FHIP1B: variants seen among roughly 807,000 people sequenced by gnomAD.
FHIP1B encodes the protein FHF complex subunit HOOK interacting protein 1B.
Under a neutral mutation model 82.2 loss-of-function variants are expected in FHIP1B, and 28 were observed. The observed-to-expected ratio is 0.34, with a 90% CI of 0.25 to 0.47. The LOEUF (loss-of-function observed/expected upper bound fraction) is 0.47. Among genes scored for constraint, FHIP1B ranks in the 20% least tolerant of loss-of-function variants. FHIP1B has a pLI of 1.00. For missense variants in FHIP1B, 1,110 were observed against 1,262.6 expected (o/e 0.88, Z 1.83); for synonymous variants, 585 against 516.1 (o/e 1.13, Z -1.81).
rs201071373 is a variant in FHIP1B, at chr11:6,223,642, G to A, written c.745C>T (p.Arg249Cys). The change falls in exon 3 of 12, where the codon CGC becomes TGC. Residue 249 changes from arginine (R) to cysteine (C), a missense_variant. By Grantham distance (180) the Arg-to-Cys change is radical. This residue lies in a region of FHIP1B where 467 missense variants were observed against 602.9 expected (regional missense o/e 0.77). Transcript: ENST00000449352. The surrounding 1 kb of genome is among the most constrained non-coding windows in gnomAD (Gnocchi z 4.8). ...ALSAGSPTVG[R>C]YIADHSYFCP... ...AAGTAAGAGTGATCCGCGATGTAGC[G>A]GCCCACAGTGGGGCTCCCAGCTGAC... is the stretch of plus-strand genomic sequence containing the variant. The A allele has an allele frequency of 2.2e-4, 354 of 1,607,560 alleles. 2 individuals carry two copies. The highest frequency in any genetic ancestry group is 1.2e-3 in the Admixed American group (74 of 59,386).
chr11:6,223,153 C>T lies in FHIP1B; in HGVS notation c.863G>A (p.Arg288Gln), dbSNP rs1375768849. 14 of 1,608,084 alleles carry T rather than the reference C, an allele frequency of 8.7e-6. No homozygotes were observed. The highest frequency in any genetic ancestry group is 1.1e-5 in the South Asian group (1 of 90,600). ...VPGDDWHCLR[R>Q]EDWLGVPALA... is the part of the protein sequence containing the mutation. ...GGCTGGCACTCCCAGCCAGTCTTCC[C>T]GTCGCAGACAGTGCCAATCATCCCC... is the stretch of plus-strand genomic sequence containing the variant. Residue 288 changes from arginine to glutamine, a missense_variant, in exon 4 of 12, where the codon CGG (arginine) becomes CAG (glutamine). Transcript: ENST00000449352. The surrounding 1 kb of genome is among the most constrained non-coding windows in gnomAD (Gnocchi z 4.8).
chr11:6,226,784 A>C (rs1027127736), intron 1 of FHIP1B, among the ~76,000 whole-genome samples: 2 of 152,238 alleles, frequency 1.3e-5, no homozygotes, highest in African/African-American at 4.8e-5. Flanking sequence ...TTGTCTACTG[A>C]CACCCTAGAA....
chr11:6,214,916 G>A lies in FHIP1B; in HGVS notation c.2216-5C>T, dbSNP rs1322698046. 2 of 1,551,596 alleles carry A rather than the reference G, an allele frequency of 1.3e-6. No homozygotes were observed. The highest frequency in any genetic ancestry group is 2.7e-5 in the African/African-American group (2 of 73,012). ...AGAGCACAGCCATGAAGGGGCCTGG[G>A]TTGGGGGGGAGGTGGGCACAAGGAT... On this transcript the variant is annotated splice_region_variant and splice_polypyrimidine_tract_variant and intron_variant, in intron 9 of 11. Transcript: ENST00000449352.
At chr11:6,218,310 C>T (rs963348935) in intron 8 of FHIP1B, among the ~76,000 whole-genome samples, 160 bp from the exon 9 acceptor site, 2 of 152,146 alleles carry the variant, frequency 1.3e-5, no homozygotes, top group Non-Finnish European at 2.9e-5. Flanking sequence ...TTATCCTCAT[C>T]CACCACCCCC....
At chr11:6,226,281 G>T (rs572386713) in intron 1 of FHIP1B, among the ~76,000 whole-genome samples, 4 of 152,178 alleles carry the variant, frequency 2.6e-5, no homozygotes, top group Non-Finnish European at 5.9e-5. Context: ...AAAGGGAGGG[G>T]CCCAGTCCTA....
In FHIP1B at chr11:6,217,877, C is replaced by A. The variant is rs200454641; in HGVS notation, c.1709G>T (p.Arg570Leu). Residue 570 changes from arginine to leucine, a missense_variant, in exon 9 of 12, where the codon CGT becomes CTT. Around this residue, in one of 6 missense-constraint regions of FHIP1B, gnomAD observed 418 missense variants for 371.4 expected, o/e 1.13. Transcript: ENST00000449352. ...GCCATCATAGGGGGCAGACCAGGTA[C>A]GGCAGGCTCGGACACAGCGGTCCAC... ...RGVDRCVRAC[R>L]TWSAPYDGER... 1.9e-6 allele frequency: 3 copies of A among 1,613,492 alleles called. No individual in the cohort carries two copies. The highest frequency in any genetic ancestry group is 2.5e-6 in the Non-Finnish European group (3 of 1,179,994).
chr11:6,230,611 G>T (rs1167627239), intron 1 of FHIP1B, among the ~76,000 whole-genome samples: 1 of 152,088 alleles, frequency 6.6e-6, no homozygotes, highest in Admixed American at 6.5e-5. Flanking sequence ...TTCTTGCAGG[G>T]ATCTCCTCAT....
At chr11:6,215,716 G>A (rs1847207715) in intron 9 of FHIP1B, among the ~76,000 whole-genome samples, 1 of 152,186 alleles carries the variant, frequency 6.6e-6, no homozygotes, top group Non-Finnish European at 1.5e-5. Context: ...GGAAGGGAAA[G>A]GATCAGCATT....
chr11:6,232,106 A>G (rs1180003094), intron 1 of FHIP1B, among the ~76,000 whole-genome samples: 1 of 152,136 alleles, frequency 6.6e-6, no homozygotes, highest in African/African-American at 2.4e-5. Context: ...CATCATCCTC[A>G]TGTATGTTTC....
intron 1 of FHIP1B, among the ~76,000 whole-genome samples, chr11:6,229,731 C>A (rs1346472175): frequency 6.6e-6 from 1 of 152,164 alleles, no homozygotes; most frequent in African/African-American, 2.4e-5. Context: ...TCCTCACCCA[C>A]CTGCCCACCG....
At chr11:6,231,903 C>T (rs932532420) in intron 1 of FHIP1B, among the ~76,000 whole-genome samples, 18 of 152,174 alleles carry the variant, frequency 1.2e-4, no homozygotes, top group African/African-American at 2.9e-4. Flanking sequence ...CTTGAGAGCT[C>T]GGATGACCAT....
At position 6,211,492 on chromosome 11, in the gene FHIP1B, T is replaced by A; in HGVS notation, c.*14A>T. On this transcript the variant is annotated 3_prime_UTR_variant, in exon 12 of 12. Coordinates refer to ENST00000449352, the MANE Select transcript of FHIP1B (RefSeq NM_001098794.2). ...CCCGGGCCACCCATGGCCCTGATTG[T>A]CCATGGAAGAAAGTTAAGGATTGAG... is the stretch of plus-strand genomic sequence containing the variant. 1 of 1,565,740 alleles carries A rather than the reference T, an allele frequency of 6.4e-7. No homozygotes were observed. Among genetic ancestry groups the A allele is most frequent in the African/African-American group, 1.4e-5 (1 of 72,980 alleles).
chr11:6,222,434 G>A lies in FHIP1B; in HGVS notation c.1191+8C>T. On this transcript the variant is annotated splice_region_variant and intron_variant, in intron 6 of 11. Coordinates refer to ENST00000449352, the MANE Select transcript of FHIP1B (RefSeq NM_001098794.2). Reference sequence around the variant, plus strand: ...CCAGGTAAGCTAGGACAGGGGTAAGGGCCATACCCGGGAGTTACTGCCAAT... The same window carrying A: ...CCAGGTAAGCTAGGACAGGGGTAAGAGCCATACCCGGGAGTTACTGCCAAT... 1 of 1,613,474 alleles carries A rather than the reference G, an allele frequency of 6.2e-7. No individual in the cohort carries two copies. Among genetic ancestry groups the A allele is most frequent in the Non-Finnish European group, 8.5e-7 (1 of 1,179,990 alleles).
At chr11:6,229,634 A>G (rs1340192203) in intron 1 of FHIP1B, among the ~76,000 whole-genome samples, 2 of 152,196 alleles carry the variant, frequency 1.3e-5, no homozygotes, top group Admixed American at 1.3e-4. Flanking sequence ...ACCTTGCAGT[A>G]TACCTGAGGT....
In FHIP1B at chr11:6,223,371, C is replaced by A; in HGVS notation, c.778-133G>T. The A allele has an allele frequency of 1.9e-6, 2 of 1,069,794 alleles. No individual in the cohort carries two copies. Among genetic ancestry groups the A allele is most frequent in the Non-Finnish European group, 2.7e-6 (2 of 754,562 alleles). 66.3% of individuals were successfully genotyped at this position (1,069,794 alleles called of 1,614,324 possible). A position where few individuals can be genotyped will look rare whatever the true frequency, so the allele number is the denominator to read the frequency against. ...TATTACCAAAGCAAGCATTTGCCTA[C>A]CCAATGTGCCTGAAACTCACCTAGA... On this transcript the variant is annotated intron_variant, in intron 3 of 11. Coordinates refer to ENST00000449352, the MANE Select transcript of FHIP1B (RefSeq NM_001098794.2). This position sits in a 1 kb window ranked among gnomAD's most constrained non-coding sequence, Gnocchi z 4.8.
At chr11:6,219,764 T>C (rs1847354317) in intron 6 of FHIP1B, among the ~76,000 whole-genome samples, 1 of 152,238 alleles carries the variant, frequency 6.6e-6, no homozygotes, top group Non-Finnish European at 1.5e-5. Flanking sequence ...ACTTTCTCTA[T>C]ACTTCCCTTA....
rs1422610727 is a variant in FHIP1B, at chr11:6,218,985, C to T, written c.1257G>A (p.Leu419=). The change falls in exon 7 of 12, where the codon CTG becomes CTA. Residue 419 remains leucine, a synonymous_variant. Coordinates refer to ENST00000449352, the MANE Select transcript of FHIP1B (RefSeq NM_001098794.2). ...LLNLSCEDVL[L]QLVLRYLVPC... The stretch of plus-strand genomic sequence containing the variant: ...CCAACAGATACCTGAGAACCAGCTG[C>T]AGCAGGACATCCTCACAGCTGAGGT... 1 of 1,614,018 alleles carries T rather than the reference C, an allele frequency of 6.2e-7. No homozygotes were observed. Among genetic ancestry groups the T allele is most frequent in the East Asian group, 2.2e-5 (1 of 44,864 alleles).
intron 6 of FHIP1B, 72 bp downstream of exon 6, chr11:6,222,370 C>G: frequency 6.5e-7 from 1 of 1,533,216 alleles, no homozygotes; most frequent in African/African-American, 1.4e-5. Flanking sequence ...GGCAGGAATA[C>G]CCTCCCAGAA....
intron 6 of FHIP1B, among the ~76,000 whole-genome samples, chr11:6,221,435 G>T (rs535065270): frequency 6.6e-6 from 1 of 151,986 alleles, no homozygotes; most frequent in East Asian, 1.9e-4. Context: ...TCCTAGAGGG[G>T]CTTAAGTCTT....
Sources: allele counts gnomAD v4.1 joint callset (sites outside exome capture counted in the v4.1 genomes callset), GRCh38; gene constraint gnomAD v4.1.1; regional missense constraint gnomAD v4.1.1; non-coding constraint Gnocchi (gnomAD v3.1); transcripts MANE v1.5; gene names NCBI Gene and HGNC (gene_info 2026-07-23, HGNC 2026-07-21).